SLC22A5: variants seen among roughly 807,000 people sequenced by gnomAD.
The protein encoded by SLC22A5 is solute carrier family 22 member 5.
In SLC22A5, 44 loss-of-function variants were observed where a neutral mutation model predicts 56.7. That is an observed-to-expected ratio of 0.78 (90% CI 0.61 to 1.00). The LOEUF (loss-of-function observed/expected upper bound fraction) is 1.00. Among genes scored for constraint, SLC22A5 ranks in the 50% least tolerant of loss-of-function variants. The pLI, the probability that SLC22A5 is intolerant of heterozygous loss-of-function variation, is 0.00. For missense variants in SLC22A5, 675 were observed against 723.0 expected (o/e 0.93, Z 0.76); for synonymous variants, 278 against 292.1 (o/e 0.95, Z 0.49).
chr5:132,371,910 C>G (rs1015722459), intron 1 of SLC22A5, among the ~76,000 whole-genome samples: 1 of 152,176 alleles, frequency 6.6e-6, no homozygotes, highest in Non-Finnish European at 1.5e-5. Context: ...GAGATCCCAA[C>G]TGTGTTGCTT....
intron 1 of SLC22A5, among the ~76,000 whole-genome samples, chr5:132,371,049 G>A (rs1013151967): frequency 6.7e-6 from 1 of 149,428 alleles, no homozygotes; most frequent in African/African-American, 2.5e-5. Context: ...GTGCGTTCTT[G>A]GCTCACTGCA....
intron 1 of SLC22A5, among the ~76,000 whole-genome samples, chr5:132,371,427 C>G (rs894256947): frequency 6.6e-6 from 1 of 152,110 alleles, no homozygotes; most frequent in Non-Finnish European, 1.5e-5. Flanking sequence ...CATTTCTCAT[C>G]CCCTTGGATT....
chr5:132,394,533 T>C lies in SLC22A5; in HGVS notation c.*261T>C. On this transcript the variant is annotated 3_prime_UTR_variant, in exon 10 of 10. Transcript: ENST00000245407. ...CTATTACAATGATGGACTCAGCACC[T>C]CCAAAGCAGTTAATTTTTCACTAGA... 1.9e-6 allele frequency: 1 copy of C among 526,244 alleles called. No individual in the cohort carries two copies. The highest frequency in any genetic ancestry group is 2.3e-5 in the South Asian group (1 of 42,740). The allele number at this position is 526,244 out of a possible 1,614,324, so 32.6% of individuals were successfully genotyped here. A position where few individuals can be genotyped will look rare whatever the true frequency, so the allele number is the denominator to read the frequency against.
chr5:132,378,437 G>A lies in SLC22A5; in HGVS notation c.453G>A (p.Val151=), dbSNP rs386134194. The change falls in exon 2 of 10, where the codon GTG becomes GTA. Residue 151 remains valine, a synonymous_variant. Transcript: ENST00000245407. ...CACTCACAATCTCCTTGTTCTTCGT[G>A]GGTGTGCTGTTGGGCTCCTTCATTT... ...KAPLTISLFF[V]GVLLGSFISG... 56 of 1,614,130 alleles carry A rather than the reference G, an allele frequency of 3.5e-5. No individual in the cohort carries two copies. The highest frequency in any genetic ancestry group is 5.0e-5 in the Admixed American group (3 of 60,008).
chr5:132,387,846 T>A (rs1016013762), intron 5 of SLC22A5: 3 of 157,136 alleles, frequency 1.9e-5, no homozygotes, highest in Admixed American at 1.8e-4. Flanking sequence ...GCAGTTTTCC[T>A]TGGTCTCGTG....
intron 6 of SLC22A5, chr5:132,389,325 T>C (rs1308681122): frequency 2.7e-6 from 1 of 377,216 alleles, no homozygotes; most frequent in East Asian, 6.6e-5. Flanking sequence ...TCCCGTCTCC[T>C]ACCCAGTTAC....
chr5:132,381,254 C>G (rs1752335701), intron 2 of SLC22A5: 1 of 152,222 alleles, frequency 6.6e-6, no homozygotes, highest in Admixed American at 6.5e-5. Context: ...CTTTAGTCTA[C>G]AGAAGGGCTA....
chr5:132,393,959 G>C, intron 9 of SLC22A5, 148 bp downstream of exon 9: 1 of 995,822 alleles, frequency 1.0e-6, no homozygotes, highest in Non-Finnish European at 1.6e-6. Flanking sequence ...ATGGCAAGGT[G>C]CTTACTTATA....
chr5:132,389,015 T>C lies in SLC22A5; in HGVS notation c.1046T>C (p.Met349Thr), dbSNP rs1280789093. Residue 349 changes from methionine (M) to threonine (T), a missense_variant, in exon 6 of 10, where the codon ATG becomes ACG. Coordinates refer to ENST00000245407, the MANE Select transcript of SLC22A5 (RefSeq NM_003060.4). ...CGGATGGTCACCATCATGTCCATAA[T>C]GCTGTGGTATGTAAAAGAGACCTGC... ...NIRMVTIMSI[M>T]LWMTISVGYF... 5.6e-6 allele frequency: 9 copies of C among 1,607,806 alleles called. No individual in the cohort carries two copies. The highest frequency in any genetic ancestry group is 1.7e-5 in the Admixed American group (1 of 60,006).
At chr5:132,377,457 A>G (rs1268251367) in intron 1 of SLC22A5, 3 of 152,036 alleles carry the variant, frequency 2.0e-5, no homozygotes, top group Admixed American at 6.6e-5. Context: ...TCTGAAAAAC[A>G]TTTTTCATTT....
At chr5:132,370,951 G>GTTTTTTTTTTTTTT (rs757040799) in intron 1 of SLC22A5, among the ~76,000 whole-genome samples, 1 of 101,126 alleles carries the variant, frequency 9.9e-6, no homozygotes, top group African/African-American at 3.3e-5. Context: ...TCAGTTGTCA[G>GTTTTTTTTTTTTTT]TCTTTTTTTT....
At chr5:132,390,483 G>A in intron 6 of SLC22A5, 1 of 640,938 alleles carries the variant, frequency 1.6e-6, no homozygotes, top group East Asian at 2.8e-5. Context: ...GAGCGCACTG[G>A]CGCAGGGTTT....
At chr5:132,393,845 T>C (rs778683314) in intron 9 of SLC22A5, 34 bp downstream of exon 9, 3 of 1,613,280 alleles carry the variant, frequency 1.9e-6, no homozygotes, top group Non-Finnish European at 2.5e-6. Context: ...GTTGATGCAC[T>C]GGGTCTGGGT....
At chr5:132,381,020 C>G (rs937872318) in intron 2 of SLC22A5, 7 of 152,094 alleles carry the variant, frequency 4.6e-5, no homozygotes, top group Non-Finnish European at 8.8e-5. Context: ...TCTCACGGAG[C>G]TAAGTGACAG....
At chr5:132,386,916 A>C in intron 4 of SLC22A5, 109 bp from the exon 5 acceptor site, 3 of 1,192,580 alleles carry the variant, frequency 2.5e-6, no homozygotes, top group Non-Finnish European at 3.7e-6. Flanking sequence ...CAAACATTCC[A>C]CAAGCTCTGG....
rs747956537 is a variant in SLC22A5, at chr5:132,370,271, G to A, written c.299G>A (p.Gly100Glu). 1.9e-6 allele frequency: 3 copies of A among 1,596,904 alleles called. No homozygotes were observed. The highest frequency in any genetic ancestry group is 1.1e-5 in the South Asian group (1 of 88,860). ...TTCTCGGCGCTTGGGCTGGAGCCGG[G>A]GCGCGACGTGGACCTGGGGCAGCTG... Reference protein sequence around the residue: ...ANFSALGLEPGRDVDLGQLEQ... With the variant: ...ANFSALGLEPERDVDLGQLEQ... Residue 100 changes from glycine to glutamate, a missense_variant, in exon 1 of 10, where the codon GGG becomes GAG. Transcript: ENST00000245407.
chr5:132,387,632 A>C (rs1435034496), intron 5 of SLC22A5, among the ~76,000 whole-genome samples: 1 of 152,082 alleles, frequency 6.6e-6, no homozygotes, highest in Non-Finnish European at 1.5e-5. Context: ...AAGAAAAAAA[A>C]AGTGTTTAGT....
chr5:132,386,322 A>T (rs945281542), intron 4 of SLC22A5, among the ~76,000 whole-genome samples: 2 of 148,442 alleles, frequency 1.3e-5, no homozygotes. Flanking sequence ...CCGCCTCCCC[A>T]GTTCAAGCGA....
intron 2 of SLC22A5, chr5:132,378,958 G>A (rs781449417): frequency 3.1e-5 from 6 of 192,828 alleles, no homozygotes; most frequent in Non-Finnish European, 6.6e-5. Context: ...GGTATGAAAA[G>A]CAGAACTCTT....
Sources: gnomAD v4.1 joint callset for allele counts (sites outside exome capture counted in the v4.1 genomes callset) on GRCh38, gnomAD v4.1.1 for gene constraint, MANE v1.5 for transcripts, NCBI Gene and HGNC (gene_info 2026-07-23, HGNC 2026-07-21) for gene names.